Variants in ANKRD28 observed in about 807,000 individuals in gnomAD.
The protein encoded by ANKRD28 is ankyrin repeat domain 28, also known as serine/threonine-protein phosphatase 6 regulatory ankyrin repeat subunit A.
Under a neutral mutation model 126.5 loss-of-function variants are expected in ANKRD28, and 44 were observed. That is an observed-to-expected ratio of 0.35 (90% confidence interval 0.27 to 0.45). The LOEUF (loss-of-function observed/expected upper bound fraction) is 0.45. Among genes scored for constraint, ANKRD28 ranks in the 20% least tolerant of loss-of-function variants. The probability of loss-of-function intolerance (pLI) is 1.00; values close to 1 mark genes in which losing one functional copy is unlikely to be tolerated. For synonymous variants in ANKRD28, 442 were observed against 468.5 expected, an observed-to-expected ratio of 0.94 and a Z score of 0.73; for missense variants, 1,110 against 1,316.6, an observed-to-expected ratio of 0.84 and a Z score of 2.43.
rs201068191 is a variant in ANKRD28 at position 15,686,158 on chromosome 3, A to C, written c.2052-39T>G. The C allele has an allele frequency of 1.9e-6, 3 of 1,600,776 alleles. No individual in the cohort carries two copies. In the Admixed American group the frequency reaches 5.1e-5, roughly 27 times the overall value. ...GGAATAGGTTCAGTGCTGTCACTTAAGACTGTACTCTGGTTTTCGAAATAC... is the reference window on the plus strand; with the variant it reads ...GGAATAGGTTCAGTGCTGTCACTTACGACTGTACTCTGGTTTTCGAAATAC... On this transcript the variant is annotated intron_variant, in intron 19 of 27. Transcript: ENST00000683139.
At chr3:15,781,252 G>T (rs1392814160) in intron 2 of ANKRD28, among the ~76,000 whole-genome samples, 1 of 152,102 alleles carries the variant, frequency 6.6e-6, no homozygotes, top group Non-Finnish European at 1.5e-5. Context: ...CCATCTGACT[G>T]AATTAAAGGA....
At chr3:15,750,550 C>T (rs779010026) in intron 4 of ANKRD28, among the ~76,000 whole-genome samples, 11 of 152,136 alleles carry the variant, frequency 7.2e-5, no homozygotes, top group Non-Finnish European at 1.3e-4. Context: ...TCAACTGCAC[C>T]CACTGTCCCC....
At chr3:15,731,133 T>G (rs2074562634) in intron 6 of ANKRD28, among the ~76,000 whole-genome samples, 1 of 152,188 alleles carries the variant, frequency 6.6e-6, no homozygotes, top group South Asian at 2.1e-4. Flanking sequence ...TGTGGTGAGG[T>G]CCAGGAAACA....
At chr3:15,767,914 A>C (rs186564052) in intron 2 of ANKRD28, among the ~76,000 whole-genome samples, 4,816 of 145,372 alleles carry the variant, frequency 0.033, 251 homozygotes, top group African/African-American at 0.12. Context: ...AAAACAACAA[A>C]AACAAAAACA....
At chr3:15,819,309 T>C (rs1402028748) in intron 1 of ANKRD28, among the ~76,000 whole-genome samples, 1 of 152,078 alleles carries the variant, frequency 6.6e-6, no homozygotes. Context: ...GATAGTGATA[T>C]TGGAGTAAGA....
At chr3:15,692,654 T>C (rs2068961629) in intron 17 of ANKRD28, among the ~76,000 whole-genome samples, 1 of 152,184 alleles carries the variant, frequency 6.6e-6, no homozygotes, top group Admixed American at 6.5e-5. Flanking sequence ...TGTACCAAGT[T>C]GTCCCGAATG....
intron 1 of ANKRD28, among the ~76,000 whole-genome samples, chr3:15,856,348 A>G (rs990844148): frequency 6.6e-6 from 1 of 152,230 alleles, no homozygotes; most frequent in Non-Finnish European, 1.5e-5. Flanking sequence ...ATTACCATTT[A>G]GCTTACTGGT....
chr3:15,809,588 A>C (rs971425729), intron 1 of ANKRD28, among the ~76,000 whole-genome samples: 2 of 152,222 alleles, frequency 1.3e-5, no homozygotes, highest in African/African-American at 4.8e-5. Flanking sequence ...AGTAAGCAAA[A>C]ACTGCTCATA....
chr3:15,777,958 G>T (rs2059375913), intron 2 of ANKRD28, among the ~76,000 whole-genome samples: 1 of 150,154 alleles, frequency 6.7e-6, no homozygotes, highest in African/African-American at 2.5e-5. Flanking sequence ...AATACCTTTA[G>T]ATCATAAACT....
At chr3:15,693,485 C>T (rs2125860505) in intron 17 of ANKRD28, among the ~76,000 whole-genome samples, 1 of 152,222 alleles carries the variant, frequency 6.6e-6, no homozygotes, top group South Asian at 2.1e-4. Context: ...TAACTAAGTC[C>T]TAAAGACTGC....
chr3:15,780,474 T>C (rs914827488), intron 2 of ANKRD28, among the ~76,000 whole-genome samples: 1 of 152,156 alleles, frequency 6.6e-6, no homozygotes, highest in Non-Finnish European at 1.5e-5. Flanking sequence ...AAATTAATAT[T>C]GTTAAAATGT....
At chr3:15,776,857 G>T (rs984808161) in intron 2 of ANKRD28, among the ~76,000 whole-genome samples, 5 of 152,122 alleles carry the variant, frequency 3.3e-5, no homozygotes, top group African/African-American at 1.2e-4. Context: ...TGAATTAAGA[G>T]GTAAAATATA....
rs1446283079 is a variant in ANKRD28 at position 15,793,089 on chromosome 3, C to T, written c.201+2134G>A. Among the ~76,000 whole-genome samples, 6 of 152,232 alleles carry T rather than the reference C, an allele frequency of 3.9e-5. 1 individual carries two copies. The South Asian group carries it at 1.0e-3, about 26-fold the overall frequency. ...GAAACCTGAGTTTCAAAAAGTCCAA[C>T]GTTATTCTCCAAATACTTATTTAAA... On this transcript the variant is annotated intron_variant, in intron 2 of 27. Coordinates refer to ENST00000683139, the MANE Select transcript of ANKRD28 (RefSeq NM_001349278.2).
chr3:15,819,823 T>C (rs1010321334), intron 1 of ANKRD28, among the ~76,000 whole-genome samples: 7 of 152,206 alleles, frequency 4.6e-5, no homozygotes, highest in Non-Finnish European at 1.5e-5. Flanking sequence ...CAGAAATCAT[T>C]AGGGGTGGAG....
intron 6 of ANKRD28, among the ~76,000 whole-genome samples, chr3:15,725,719 G>GT (rs970466909): frequency 1.3e-5 from 2 of 152,116 alleles, no homozygotes; most frequent in African/African-American, 4.8e-5. Context: ...TACTGTAATT[G>GT]TTTTGGGGCA....
At chr3:15,807,445 T>C (rs575749400) in intron 1 of ANKRD28, among the ~76,000 whole-genome samples, 10 of 152,318 alleles carry the variant, frequency 6.6e-5, no homozygotes, top group Admixed American at 6.5e-5. Context: ...ATTTTATAAA[T>C]GCCATGGACA....
At chr3:15,708,836 C>T (rs553377579) in intron 13 of ANKRD28, among the ~76,000 whole-genome samples, 44 of 152,246 alleles carry the variant, frequency 2.9e-4, no homozygotes, top group African/African-American at 7.2e-4. Context: ...TTCTCTTCTG[C>T]ACTGGTTCTA....
intron 2 of ANKRD28, among the ~76,000 whole-genome samples, chr3:15,774,887 T>G (rs1210154732): frequency 1.3e-5 from 2 of 152,226 alleles, no homozygotes; most frequent in Admixed American, 1.3e-4. Flanking sequence ...ATGTATGTAT[T>G]TATTTTTCAG....
chr3:15,723,713 G>A (rs1369668707), intron 7 of ANKRD28, among the ~76,000 whole-genome samples: 2 of 152,120 alleles, frequency 1.3e-5, no homozygotes, highest in African/African-American at 4.8e-5. Flanking sequence ...CAAGGTTGCA[G>A]TGAGCTGTGA....
Sources: allele counts gnomAD v4.1 joint callset (sites outside exome capture counted in the v4.1 genomes callset), GRCh38; gene constraint gnomAD v4.1.1; transcripts MANE v1.5; gene names NCBI Gene and HGNC (gene_info 2026-07-23, HGNC 2026-07-21).